The following R3HCC1L variants were observed in gnomAD, a reference collection of about 807,000 sequenced individuals.
The protein encoded by R3HCC1L is R3H domain and coiled-coil containing 1 like.
R3HCC1L carries 51 observed loss-of-function variants against 59.9 expected under a neutral mutation model. The ratio of observed to expected loss-of-function variants is 0.85; its 90% CI spans 0.68 to 1.07. R3HCC1L has a LOEUF of 1.07. R3HCC1L is among the 50% of genes least tolerant of loss of function. R3HCC1L has a pLI of 0.00. For synonymous variants in R3HCC1L, 322 were observed against 315.2 expected (o/e 1.02, Z -0.23); for missense variants, 965 against 933.0 (o/e 1.03, Z -0.45).
chr10:98,215,773 A>G (rs1320783978), intron 5 of R3HCC1L, among the ~76,000 whole-genome samples: 1 of 152,202 alleles, frequency 6.6e-6, no homozygotes, highest in Admixed American at 6.5e-5. Context: ...CAATATGTTG[A>G]TTGTGATGCG....
chr10:98,209,093 C>G lies in R3HCC1L; in HGVS notation c.979C>G (p.Pro327Ala). The G allele has an allele frequency of 6.2e-7, 1 of 1,613,994 alleles. No homozygotes were observed. Among genetic ancestry groups the G allele is most frequent in the Admixed American group, 1.7e-5 (1 of 60,010 alleles). Residue 327 changes from proline to alanine, a missense_variant, in exon 5 of 10, where the codon CCA (proline) becomes GCA (alanine). By Grantham distance (27) the Pro-to-Ala change is conservative. Coordinates refer to ENST00000298999, the MANE Select transcript of R3HCC1L (RefSeq NM_001351015.2). ...AGAGAGCACAAATGACACTGTTAGTCCAGTAATGATTAGAGAATGTGAGAA... is the reference window on the plus strand; with the variant it reads ...AGAGAGCACAAATGACACTGTTAGTGCAGTAATGATTAGAGAATGTGAGAA... ...LSESTNDTVS[P>A]VMIRECEKND...
intron 4 of R3HCC1L, among the ~76,000 whole-genome samples, chr10:98,185,572 A>G (rs909754160): frequency 1.3e-5 from 2 of 152,190 alleles, no homozygotes; most frequent in African/African-American, 4.8e-5. Context: ...AGTAGCTAAG[A>G]TGGAAAACAA....
At chr10:98,243,939 G>C in intron 9 of R3HCC1L, 152 bp from the exon 10 acceptor site, 1 of 590,272 alleles carries the variant, frequency 1.7e-6, no homozygotes, top group Non-Finnish European at 3.0e-6. Context: ...AAAGCACTTA[G>C]GAAATTAAAG....
chr10:98,244,178 A>T lies in R3HCC1L; in HGVS notation c.*20A>T. The stretch of plus-strand genomic sequence containing the variant: ...GTTTGAACATCACTCAATGAAAGGG[A>T]TAATTCCATGAATCAGAAAATGTTT... On this transcript the variant is annotated 3_prime_UTR_variant, in exon 10 of 10. Transcript: ENST00000298999. The T allele has an allele frequency of 1.2e-6, 2 of 1,606,358 alleles. No homozygotes were observed.
At chr10:98,232,456 A>G (rs1022187247) in intron 6 of R3HCC1L, among the ~76,000 whole-genome samples, 5 of 152,220 alleles carry the variant, frequency 3.3e-5, no homozygotes, top group Non-Finnish European at 5.9e-5. Context: ...TGATACTTAT[A>G]TAGGAGAAGT....
chr10:98,240,029 G>T (rs913560472), intron 9 of R3HCC1L, among the ~76,000 whole-genome samples: 4 of 152,272 alleles, frequency 2.6e-5, no homozygotes, highest in African/African-American at 9.6e-5. Flanking sequence ...CTCAGGGCCA[G>T]GCATGGTGGC....
chr10:98,172,763 T>C (rs1226939630), intron 4 of R3HCC1L, among the ~76,000 whole-genome samples: 6 of 152,190 alleles, frequency 3.9e-5, no homozygotes, highest in African/African-American at 1.4e-4. Flanking sequence ...AAGTGCAGTC[T>C]CCTTCCCGTC....
At chr10:98,182,126 T>C (rs570485315) in intron 4 of R3HCC1L, among the ~76,000 whole-genome samples, 50 of 152,374 alleles carry the variant, frequency 3.3e-4, no homozygotes, top group African/African-American at 1.2e-3. Context: ...TTTTCTGCTC[T>C]GGTTTCTCCC....
At chr10:98,176,783 A>G (rs950607812) in intron 4 of R3HCC1L, among the ~76,000 whole-genome samples, 2 of 152,054 alleles carry the variant, frequency 1.3e-5, no homozygotes, top group African/African-American at 2.4e-5. Context: ...TTATTTTTGC[A>G]TCTTACGGGG....
intron 4 of R3HCC1L, among the ~76,000 whole-genome samples, chr10:98,170,585 C>CA (rs1848423199): frequency 6.6e-6 from 1 of 152,202 alleles, no homozygotes; most frequent in South Asian, 2.1e-4. Context: ...CTCGGCTTCC[C>CA]AGAGTGCTGG....
intron 5 of R3HCC1L, among the ~76,000 whole-genome samples, chr10:98,218,251 A>G (rs555375595): frequency 2.0e-5 from 3 of 152,144 alleles, no homozygotes; most frequent in African/African-American, 7.2e-5. Flanking sequence ...CTTTTTCTGT[A>G]TCTGTTGAGA....
intron 9 of R3HCC1L, among the ~76,000 whole-genome samples, chr10:98,242,022 A>T (rs1857580154): frequency 6.6e-6 from 1 of 152,072 alleles, no homozygotes; most frequent in Non-Finnish European, 1.5e-5. Flanking sequence ...TTACCATTAG[A>T]ATCTATTTAC....
intron 4 of R3HCC1L, among the ~76,000 whole-genome samples, chr10:98,207,888 T>C (rs1441384275): frequency 1.3e-5 from 2 of 151,906 alleles, no homozygotes; most frequent in Non-Finnish European, 2.9e-5. Flanking sequence ...AAGCCAGGCA[T>C]GGTGGCATGT....
At chr10:98,212,548 A>G (rs963051306) in intron 5 of R3HCC1L, among the ~76,000 whole-genome samples, 2 of 152,192 alleles carry the variant, frequency 1.3e-5, no homozygotes, top group African/African-American at 4.8e-5. Context: ...ATGAGTCTCC[A>G]AGAATCACAC....
chr10:98,208,187 C>T lies in R3HCC1L; in HGVS notation c.73C>T (p.Arg25Cys), dbSNP rs775501969. Residue 25 changes from arginine to cysteine, a missense_variant, in exon 5 of 10, where the codon CGT (arginine) becomes TGT (cysteine). Physicochemically the swap from Arg to Cys is radical, Grantham distance 180. Transcript: ENST00000298999. ...PDMALYVPKA[R>C]RGAVLLKTGD... ...CATGGCACTTTATGTACCTAAAGCT[C>T]GTAGGGGTGCAGTACTCCTTAAGAC... The T allele has an allele frequency of 1.1e-5, 17 of 1,613,582 alleles. No individual in the cohort carries two copies. Among genetic ancestry groups the T allele is most frequent in the Middle Eastern group, 1.7e-4 (1 of 6,058 alleles).
chr10:98,183,549 TTC>T (rs1003054605), intron 4 of R3HCC1L, among the ~76,000 whole-genome samples: 2 of 152,160 alleles, frequency 1.3e-5, no homozygotes, highest in African/African-American at 4.8e-5. Flanking sequence ...CATATTTTGT[TTC>T]TGTCTTATTG....
intron 5 of R3HCC1L, among the ~76,000 whole-genome samples, chr10:98,228,087 G>A (rs1189064608): frequency 1.3e-5 from 2 of 152,142 alleles, no homozygotes; most frequent in Non-Finnish European, 2.9e-5. Flanking sequence ...AATCCTTTGG[G>A]TATATACCCA....
At chr10:98,236,377 T>A (rs1269886911) in intron 9 of R3HCC1L, among the ~76,000 whole-genome samples, 1 of 152,184 alleles carries the variant, frequency 6.6e-6, no homozygotes, top group Non-Finnish European at 1.5e-5. Flanking sequence ...TAATCCACGC[T>A]CCTACTGTTG....
At chr10:98,137,306 C>T (rs915487586) in intron 1 of R3HCC1L, among the ~76,000 whole-genome samples, 1 of 152,194 alleles carries the variant, frequency 6.6e-6, no homozygotes, top group Non-Finnish European at 1.5e-5. Context: ...TAGTTGACTT[C>T]TCTGAGCCTG....
Sources: allele counts gnomAD v4.1 joint callset (sites outside exome capture counted in the v4.1 genomes callset), GRCh38; gene constraint gnomAD v4.1.1; transcripts MANE v1.5; gene names NCBI Gene and HGNC (gene_info 2026-07-23, HGNC 2026-07-21).